Variants in COL4A4 observed in about 807,000 individuals in gnomAD.
The protein encoded by COL4A4 is collagen alpha-4(IV) chain.
Under a neutral mutation model 192.9 loss-of-function variants are expected in COL4A4, and 105 were observed. That is an observed-to-expected ratio of 0.54 (90% confidence interval 0.46 to 0.64). The LOEUF is 0.64. Ranked by LOEUF, COL4A4 falls within the 30% of genes least tolerant of loss-of-function variation. The probability of loss-of-function intolerance (pLI) is 0.00; values close to 1 mark genes in which losing one functional copy is unlikely to be tolerated. For synonymous variants in COL4A4, 762 were observed against 769.9 expected (o/e 0.99, Z 0.17); for missense variants, 1,967 against 2,169.3 (o/e 0.91, Z 1.85).
At chr2:227,044,334 A>G (rs1972014841) in intron 35 of COL4A4, among the ~76,000 whole-genome samples, 1 of 152,226 alleles carries the variant, frequency 6.6e-6, no homozygotes, top group South Asian at 2.1e-4. Context: ...TTTACAATGT[A>G]TGAGTTTAAT....
the COL4A4 span, among the ~76,000 whole-genome samples, chr2:226,983,709 T>A: frequency 1.3e-5 from 2 of 152,196 alleles, no homozygotes; most frequent in African/African-American, 2.4e-5. Context: ...TTAAGAAGAT[T>A]GAGGTTTCTG....
At chr2:227,076,587 C>A (rs2059035060) in intron 25 of COL4A4, among the ~76,000 whole-genome samples, 1 of 152,130 alleles carries the variant, frequency 6.6e-6, no homozygotes, top group Non-Finnish European at 1.5e-5. Context: ...TGGGCAAAGA[C>A]TTCATGATTA....
intron 35 of COL4A4, among the ~76,000 whole-genome samples, chr2:227,046,186 CTTGTTT>C (rs1005668196): frequency 4.7e-5 from 7 of 149,990 alleles, no homozygotes; most frequent in African/African-American, 1.5e-4. Flanking sequence ...ACTGTATTAA[CTTGTTT>C]TTGTTAGACT....
chr2:227,050,106 G>C lies in COL4A4; in HGVS notation c.3176C>G (p.Pro1059Arg). The change falls in exon 34 of 48, where the codon CCT becomes CGT. Residue 1059 changes from proline (P) to arginine (R), a missense_variant. By Grantham distance (103) the Pro-to-Arg change is moderately radical. Coordinates refer to ENST00000396625, the MANE Select transcript of COL4A4 (RefSeq NM_000092.5). ...TGCTCCATCAATTCCTGAAAATCCA[G>C]GGGGACCTGGAGAACCTGGCTCACC... ...DQGEPGSPGP[P>R]GFSGIDGARG... The C allele has an allele frequency of 6.2e-7, 1 of 1,614,176 alleles. No individual in the cohort carries two copies. Among genetic ancestry groups the C allele is most frequent in the Non-Finnish European group, 8.5e-7 (1 of 1,180,018 alleles).
At chr2:227,116,266 G>A (rs2061487220) in intron 7 of COL4A4, among the ~76,000 whole-genome samples, 1 of 152,186 alleles carries the variant, frequency 6.6e-6, no homozygotes, top group African/African-American at 2.4e-5. Flanking sequence ...TACTTCTTGA[G>A]AGGCCTGGGG....
At chr2:227,124,827 A>T (rs1315890122) in intron 4 of COL4A4, among the ~76,000 whole-genome samples, 1 of 152,254 alleles carries the variant, frequency 6.6e-6, no homozygotes, top group African/African-American at 2.4e-5. Flanking sequence ...TTTTCTACAT[A>T]TAAAATTCAG....
intron 3 of COL4A4, 86 bp from the exon 4 acceptor site, chr2:227,140,324 GT>G: frequency 9.1e-7 from 1 of 1,101,668 alleles, no homozygotes; most frequent in Non-Finnish European, 1.4e-6. Flanking sequence ...AGCACTCTTG[GT>G]TTACCTTTGA....
intron 20 of COL4A4, among the ~76,000 whole-genome samples, chr2:227,093,684 TATTTC>T (rs1285412051): frequency 6.6e-6 from 1 of 152,122 alleles, no homozygotes; most frequent in Admixed American, 6.5e-5. Context: ...TTTTTATTTT[TATTTC>T]ATTTATTATT....
Position 227,031,972 on chromosome 2 carries a change from C to T in COL4A4, c.3790G>A (p.Gly1264Arg), listed in dbSNP as rs866740923. The T allele has an allele frequency of 6.2e-7, 1 of 1,613,572 alleles. No individual in the cohort carries two copies. Among genetic ancestry groups the T allele is most frequent in the Non-Finnish European group, 8.5e-7 (1 of 1,179,490 alleles). The change falls in exon 40 of 48, where the codon GGA becomes AGA. Residue 1264 changes from glycine (G) to arginine (R), a missense_variant. Physicochemically the swap from Gly to Arg is moderately radical, Grantham distance 125. Transcript: ENST00000396625. ...CTTGGGCCATCAGGACCAGGAGGTC[C>T]CTGATCTCCAGGTGGACCCGGGTCA... ...IPDPGPPGDQGPPGPDGPRGA... is the reference protein window; with the variant it reads ...IPDPGPPGDQRPPGPDGPRGA...
In COL4A4 at chr2:227,008,190, G is replaced by C; in HGVS notation, c.4637C>G (p.Ala1546Gly). 6.2e-7 allele frequency: 1 copy of C among 1,614,228 alleles called. No individual in the cohort carries two copies. Reference sequence around the variant, plus strand: ...GAGTGGCATCATGGGGAGGGGCGCAGCGCTGGCCAGCCAGTAGGATCTGTC... The same window carrying C: ...GAGTGGCATCATGGGGAGGGGCGCACCGCTGGCCAGCCAGTAGGATCTGTC... The part of the protein sequence containing the change: ...RNDRSYWLAS[A>G]APLPMMPLSE... The change falls in exon 47 of 48, where the codon GCT (alanine) becomes GGT (glycine). Residue 1546 changes from alanine (A) to glycine (G), a missense_variant. Physicochemically the swap from Ala to Gly is moderately conservative, Grantham distance 60. Transcript: ENST00000396625.
intron 1 of COL4A4, among the ~76,000 whole-genome samples, chr2:227,150,801 T>C (rs1015863633): frequency 5.3e-5 from 8 of 152,080 alleles, no homozygotes. Context: ...ACCACCTCCA[T>C]GATTCAATTA....
chr2:227,030,066 CTA>C (rs1967942193), intron 41 of COL4A4, among the ~76,000 whole-genome samples: 1 of 151,576 alleles, frequency 6.6e-6, no homozygotes, highest in Non-Finnish European at 1.5e-5. Context: ...TGTATATTAA[CTA>C]TATGTTAAAA....
At position 227,032,009 on chromosome 2, in the gene COL4A4, A is replaced by C. The variant is rs1968529864; in HGVS notation, c.3753T>G (p.Pro1251=). The C allele has an allele frequency of 6.2e-7, 1 of 1,613,942 alleles. No individual in the cohort carries two copies. The highest frequency in any genetic ancestry group is 1.7e-5 in the Admixed American group (1 of 60,000). The change falls in exon 40 of 48, where the codon CCT becomes CCG. Residue 1251 remains proline (P), a synonymous_variant. Coordinates refer to ENST00000396625, the MANE Select transcript of COL4A4 (RefSeq NM_000092.5). ...PGPAGATGRA[P]KDIPDPGPPG... ...GTGGACCCGGGTCAGGAATGTCCTT[A>C]GGAGCTCTTCCTGTGGCACCTGCAG...
rs771898856 is a variant in COL4A4, at chr2:227,111,702, C to A, written c.570G>T (p.Gly190=). The change falls in exon 9 of 48, where the codon GGG becomes GGT. Residue 190 remains glycine (G), a synonymous_variant. Transcript: ENST00000396625. ...GAVKGIQGDR[G]DPGLPGLPGS... ...CTGGTAAGCCAGGCAGTCCTGGGTCCCCTCTGTCTCCCTGCAAAAATAAGA... is the reference window on the plus strand; with the variant it reads ...CTGGTAAGCCAGGCAGTCCTGGGTCACCTCTGTCTCCCTGCAAAAATAAGA... 2 of 1,614,066 alleles carry A rather than the reference C, an allele frequency of 1.2e-6. No individual in the cohort carries two copies. Among genetic ancestry groups the A allele is most frequent in the South Asian group, 2.2e-5 (2 of 91,078 alleles).
chr2:226,994,070 CT>C, the COL4A4 span, among the ~76,000 whole-genome samples: 1 of 152,324 alleles, frequency 6.6e-6, no homozygotes, highest in African/African-American at 2.4e-5. Flanking sequence ...CTGGCTGCTG[CT>C]TTTGAGAGCT....
chr2:226,972,973 CT>C, the COL4A4 span, among the ~76,000 whole-genome samples: 1 of 150,774 alleles, frequency 6.6e-6, no homozygotes, highest in Admixed American at 6.6e-5. Context: ...TCCCCCACTG[CT>C]ATATGATTTT....
At chr2:227,101,050 T>C (rs936198346) in intron 17 of COL4A4, among the ~76,000 whole-genome samples, 7 of 152,250 alleles carry the variant, frequency 4.6e-5, no homozygotes, top group East Asian at 1.9e-4. Flanking sequence ...CCTCATGATC[T>C]GCCCGCCTCG....
chr2:226,967,466 G>A, the COL4A4 span, among the ~76,000 whole-genome samples: 4 of 151,968 alleles, frequency 2.6e-5, no homozygotes, highest in African/African-American at 9.7e-5. Context: ...CATGTGCCAT[G>A]TTGGTGTGCT....
intron 31 of COL4A4, 85 bp from the exon 32 acceptor site, chr2:227,052,497 G>A (rs1270318525): frequency 1.7e-5 from 14 of 821,266 alleles, no homozygotes; most frequent in East Asian, 7.4e-5. Context: ...CTCCCAAATC[G>A]CAAATTCCCA....
Sources: allele counts gnomAD v4.1 joint callset (sites outside exome capture counted in the v4.1 genomes callset), GRCh38; gene constraint gnomAD v4.1.1; transcripts MANE v1.5; gene names NCBI Gene and HGNC (gene_info 2026-07-23, HGNC 2026-07-21).